Variants in ASNS observed in about 807,000 individuals in gnomAD.
ASNS encodes asparagine synthetase (glutamine-hydrolyzing), also known as asparagine synthetase [glutamine-hydrolyzing].
A neutral mutation model predicts 62.6 loss-of-function variants in ASNS; 37 were observed. The ratio of observed to expected loss-of-function variants is 0.59; its 90% CI spans 0.45 to 0.78. The LOEUF is 0.78. Ranked by LOEUF, ASNS falls within the 30% of genes least tolerant of loss-of-function variation. The pLI is 0.00. For missense variants in ASNS, 520 were observed against 682.4 expected (o/e 0.76, Z 2.65); for synonymous variants, 207 against 237.9 (o/e 0.87, Z 1.19).
At position 97,864,376 on chromosome 7, in the gene ASNS, C is replaced by T; in HGVS notation, c.370G>A (p.Val124Ile). The stretch of plus-strand genomic sequence containing the variant: ...TTCTTATTGGCAGTATCCAGTAAAA[C>T]AAATGCAAACACACCATCCAACATA... Reference protein sequence around the residue: ...ICMLDGVFAFVLLDTANKKVF... With the variant: ...ICMLDGVFAFILLDTANKKVF... Residue 124 changes from valine (V) to isoleucine (I), a missense_variant, in exon 4 of 13, where the codon GTT becomes ATT. Transcript: ENST00000394308. The T allele has an allele frequency of 1.9e-6, 3 of 1,613,958 alleles. No homozygotes were observed. The highest frequency in any genetic ancestry group is 2.5e-6 in the Non-Finnish European group (3 of 1,179,906).
At chr7:97,858,532 A>C (rs1410482016) in intron 6 of ASNS, 127 bp from the exon 7 acceptor site, 2 of 1,233,068 alleles carry the variant, frequency 1.6e-6, no homozygotes, top group Non-Finnish European at 2.2e-6. Flanking sequence ...CAAGTTTTAT[A>C]AACTGAAATC....
At chr7:97,923,234 G>C in the ASNS span, among the ~76,000 whole-genome samples, 4 of 150,030 alleles carry the variant, frequency 2.7e-5, no homozygotes, top group African/African-American at 1.0e-4. Context: ...ATTGGATTTT[G>C]ATAAAGTTTT....
At chr7:97,887,433 C>T in the ASNS span, among the ~76,000 whole-genome samples, 2 of 152,360 alleles carry the variant, frequency 1.3e-5, no homozygotes, top group South Asian at 4.1e-4. Flanking sequence ...TGTCATTTGT[C>T]TCTGCAGTTC....
At chr7:97,852,630 G>A (rs1289053410) in intron 12 of ASNS, among the ~76,000 whole-genome samples, 162 bp from the exon 13 acceptor site, 1 of 152,076 alleles carries the variant, frequency 6.6e-6, no homozygotes, top group African/African-American at 2.4e-5. Context: ...TTCATAATAT[G>A]GATAGCTGCA....
Position 97,868,034 on chromosome 7 carries a change from ACCAGC to A in ASNS, c.249+869_249+873del, listed in dbSNP as rs1165079877. Among the ~76,000 whole-genome samples the A allele has an allele frequency of 2.6e-5, 4 of 152,286 alleles. No homozygotes were observed. In the East Asian group the frequency reaches 7.7e-4, roughly 29 times the overall value. The stretch of plus-strand genomic sequence containing the variant: ...GAAATCTGGCTCAAAACAAACAAGA[ACCAGC>A]TATAAAGATATTCTTGGTAGCACTT... On this transcript the variant is annotated intron_variant, in intron 3 of 12. Coordinates refer to ENST00000394308, the MANE Select transcript of ASNS (RefSeq NM_001673.5).
chr7:97,900,592 T>G, the ASNS span, among the ~76,000 whole-genome samples: 1 of 152,126 alleles, frequency 6.6e-6, no homozygotes, highest in Non-Finnish European at 1.5e-5. Context: ...GAACTGTGGG[T>G]ACTTGGCAAG....
chr7:97,928,261 G>C, the ASNS span: 1 of 1,524,546 alleles, frequency 6.6e-7, no homozygotes, highest in South Asian at 1.2e-5. Context: ...CTGCCTCGGG[G>C]CTTGCCAGTG....
At chr7:97,898,705 A>C in the ASNS span, 2 of 656,026 alleles carry the variant, frequency 3.0e-6, no homozygotes, top group Non-Finnish European at 5.6e-6. Flanking sequence ...TAAAACCAAC[A>C]CAAAACAGAT....
chr7:97,874,797 T>C (rs1452327774), upstream of ASNS, among the ~76,000 whole-genome samples: 2 of 152,272 alleles, frequency 1.3e-5, no homozygotes, highest in African/African-American at 4.8e-5. Context: ...GTGTTTTTCT[T>C]AGTCAAACAT....
At chr7:97,908,885 C>G in the ASNS span, 2 of 152,214 alleles carry the variant, frequency 1.3e-5, no homozygotes, top group Admixed American at 1.3e-4. Flanking sequence ...TTCTAAAGGG[C>G]CTGCATGCAG....
At chr7:97,852,574 G>T in intron 12 of ASNS, 106 bp from the exon 13 acceptor site, 2 of 1,067,364 alleles carry the variant, frequency 1.9e-6, no homozygotes, top group Non-Finnish European at 1.4e-6. Context: ...ACTGTAACTT[G>T]TATGAGACCC....
chr7:97,882,980 T>G, the ASNS span, among the ~76,000 whole-genome samples: 1 of 152,208 alleles, frequency 6.6e-6, no homozygotes, highest in African/African-American at 2.4e-5. Context: ...TGGCTGGAAA[T>G]GCCAAGTGTG....
chr7:97,867,399 G>C (rs1271085234), intron 3 of ASNS, among the ~76,000 whole-genome samples: 2 of 152,182 alleles, frequency 1.3e-5, no homozygotes, highest in Non-Finnish European at 2.9e-5. Context: ...CATAAACTTA[G>C]ATGCTTGGTA....
At chr7:97,857,639 G>C (rs1010842588) in intron 7 of ASNS, among the ~76,000 whole-genome samples, 6 of 103,326 alleles carry the variant, frequency 5.8e-5, no homozygotes, top group East Asian at 3.1e-4. Context: ...AAAAAAAAAC[G>C]AACAAAAAAC....
At chr7:97,872,678 CTTGGT>C (rs1792345046), upstream of ASNS, 2 of 152,304 alleles carry the variant, frequency 1.3e-5, no homozygotes, top group African/African-American at 4.8e-5. Flanking sequence ...GGCTTCTGAA[CTTGGT>C]TTGTTCTTCG....
At chr7:97,876,366 C>T (rs1792438112), upstream of ASNS, among the ~76,000 whole-genome samples, 1 of 151,854 alleles carries the variant, frequency 6.6e-6, no homozygotes, top group East Asian at 1.9e-4. Context: ...AAAAAATAAT[C>T]ATAATCATAA....
At chr7:97,902,499 C>G in the ASNS span, among the ~76,000 whole-genome samples, 1 of 152,024 alleles carries the variant, frequency 6.6e-6, no homozygotes, top group Non-Finnish European at 1.5e-5. Context: ...ATTGCTTGAG[C>G]CCAGGAGCTT....
chr7:97,921,060 T>C, the ASNS span, among the ~76,000 whole-genome samples: 4 of 152,100 alleles, frequency 2.6e-5, no homozygotes, highest in African/African-American at 9.7e-5. Context: ...CTCTTCCCCA[T>C]ACAAAAATCA....
At chr7:97,923,790 G>A in the ASNS span, among the ~76,000 whole-genome samples, 1 of 152,120 alleles carries the variant, frequency 6.6e-6, no homozygotes, top group Non-Finnish European at 1.5e-5. Flanking sequence ...TTCACCTCCA[G>A]TACCTGATAG....
Sources: gnomAD v4.1 joint callset for allele counts (sites outside exome capture counted in the v4.1 genomes callset) on GRCh38, gnomAD v4.1.1 for gene constraint, MANE v1.5 for transcripts, NCBI Gene and HGNC (gene_info 2026-07-23, HGNC 2026-07-21) for gene names.